SLC9B2: variants seen among roughly 807,000 people sequenced by gnomAD.
SLC9B2 encodes sodium/hydrogen exchanger 9B2.
SLC9B2 carries 39 observed loss-of-function variants against 52.2 expected under a neutral mutation model. The ratio of observed to expected loss-of-function variants is 0.75; its 90% CI spans 0.58 to 0.98. The LOEUF (loss-of-function observed/expected upper bound fraction) is 0.98. Ranked by LOEUF, SLC9B2 falls within the 50% of genes least tolerant of loss-of-function variation. The pLI is 0.00. For synonymous variants in SLC9B2, 214 were observed against 227.0 expected (o/e 0.94, Z 0.51); for missense variants, 626 against 637.5 (o/e 0.98, Z 0.19).
Position 103,047,133 on chromosome 4 carries a change from G to C in SLC9B2, c.807C>G (p.Thr269=). The C allele has an allele frequency of 1.9e-6, 3 of 1,614,004 alleles. No homozygotes were observed. The highest frequency in any genetic ancestry group is 2.5e-6 in the Non-Finnish European group (3 of 1,179,958). Residue 269 remains threonine (T), a synonymous_variant, in exon 7 of 12, where the codon ACC becomes ACG. Coordinates refer to ENST00000394785, the MANE Select transcript of SLC9B2 (RefSeq NM_178833.7). ...GGYGVEKGVP[T]LLMAAGSFDD... ...CGAAGCTGCCAGCTGCCATGAGCAA[G>C]GTTGGGACACCCTTCTCAACACCAT... is the stretch of plus-strand genomic sequence containing the variant.
At position 103,057,836 on chromosome 4, in the gene SLC9B2, TTAA is replaced by T. The variant is rs1423869468; in HGVS notation, c.404_406del (p.Ile135del). 5.0e-6 allele frequency: 8 copies of T among 1,613,956 alleles called. No individual in the cohort carries two copies. Among genetic ancestry groups the T allele is most frequent in the African/African-American group, 1.3e-5 (1 of 75,028 alleles). On this transcript the variant is annotated inframe_deletion, in exon 4 of 12. Coordinates refer to ENST00000394785, the MANE Select transcript of SLC9B2 (RefSeq NM_178833.7). ...AGGCAGTGGAGGCAATGTAGGTAACTTAATAAGCCCCAAAAGTTTACCACCAAT... is the reference window on the plus strand; with the variant it reads ...AGGCAGTGGAGGCAATGTAGGTAACTTAAGCCCCAAAAGTTTACCACCAAT...
chr4:103,057,244 GTATATA>G (rs56742547), intron 4 of SLC9B2, among the ~76,000 whole-genome samples: 1,608 of 137,244 alleles, frequency 0.012, 19 homozygotes, highest in African/African-American at 0.022. Flanking sequence ...TTAATTTTAA[GTATATA>G]TATATATATA....
chr4:103,049,204 C>T (rs1340519398), intron 5 of SLC9B2, among the ~76,000 whole-genome samples, 184 bp from the exon 6 acceptor site: 1 of 152,142 alleles, frequency 6.6e-6, no homozygotes, highest in Non-Finnish European at 1.5e-5. Context: ...TAAGTCCTCA[C>T]TGCAACCTTA....
chr4:103,075,869 T>C (rs534468095), intron 1 of SLC9B2, among the ~76,000 whole-genome samples: 2 of 152,284 alleles, frequency 1.3e-5, no homozygotes, highest in South Asian at 2.1e-4. Flanking sequence ...TTTTACTTTA[T>C]CTCTTACAGC....
At chr4:103,044,132 G>A (rs1743889302) in intron 8 of SLC9B2, among the ~76,000 whole-genome samples, 1 of 152,156 alleles carries the variant, frequency 6.6e-6, no homozygotes, top group African/African-American at 2.4e-5. Flanking sequence ...AGCTCTGAAG[G>A]TGAATTACCT....
Position 103,023,562 on chromosome 4 carries a change from T to C in SLC9B2, c.*2808A>G, listed in dbSNP as rs1326636377. On this transcript the variant is annotated 3_prime_UTR_variant, in exon 12 of 12. Coordinates refer to ENST00000394785, the MANE Select transcript of SLC9B2 (RefSeq NM_178833.7). ...ATTCTTGACCTCACCATCTCCATGA[T>C]ATATAACAGCAACATAGTCTTATAG... 6.6e-6 allele frequency among the ~76,000 whole-genome samples: 1 copy of C among 152,160 alleles called. No homozygotes were observed. The highest frequency in any genetic ancestry group is 2.4e-5 in the African/African-American group (1 of 41,416).
downstream of SLC9B2, chr4:103,020,260 T>C (rs531310038): frequency 5.1e-5 from 21 of 415,750 alleles, no homozygotes; most frequent in East Asian, 9.2e-4. Context: ...TGAGTTTTTT[T>C]TTTTTTTCCG....
rs1578440406 is a variant in SLC9B2 at position 103,031,593 on chromosome 4, A to G, written c.1255+107T>C. Reference sequence around the variant, plus strand: ...ATTGTGACAATAGTAACCACTGTACACATACCTGCTGGAGATATTTCAATG... The same window carrying G: ...ATTGTGACAATAGTAACCACTGTACGCATACCTGCTGGAGATATTTCAATG... On this transcript the variant is annotated intron_variant, in intron 10 of 11. Coordinates refer to ENST00000394785, the MANE Select transcript of SLC9B2 (RefSeq NM_178833.7). 2.0e-5 allele frequency: 15 copies of G among 766,104 alleles called. No homozygotes were observed. The East Asian group carries it at 4.1e-4, about 21-fold the overall frequency. The allele number at this position is 766,104 out of a possible 1,614,324, so 47.5% of individuals were successfully genotyped here. A position where few individuals can be genotyped will look rare whatever the true frequency, so the allele number is the denominator to read the frequency against.
intron 9 of SLC9B2, among the ~76,000 whole-genome samples, chr4:103,036,907 C>G (rs1743231797): frequency 6.6e-6 from 1 of 152,070 alleles, no homozygotes. Context: ...TAAGGATCTG[C>G]AATATATACA....
intron 4 of SLC9B2, among the ~76,000 whole-genome samples, chr4:103,051,492 G>C (rs571182327): frequency 6.6e-6 from 1 of 152,032 alleles, no homozygotes; most frequent in Admixed American, 6.5e-5. Context: ...ATTTATCTAC[G>C]GGAAAGTCTC....
intron 1 of SLC9B2, among the ~76,000 whole-genome samples, chr4:103,069,929 T>C (rs1018218032): frequency 2.0e-5 from 3 of 152,240 alleles, no homozygotes; most frequent in African/African-American, 4.8e-5. Context: ...AATGTTATTA[T>C]GGGGTCCTTT....
chr4:103,057,716 ATTCCT>A, intron 4 of SLC9B2, 80 bp downstream of exon 4: 3 of 1,423,498 alleles, frequency 2.1e-6, no homozygotes, highest in Non-Finnish European at 2.9e-6. Context: ...GAAATATTTT[ATTCCT>A]TTATTTCCCA....
At chr4:103,040,779 G>A (rs1458100804) in intron 9 of SLC9B2, among the ~76,000 whole-genome samples, 2 of 152,202 alleles carry the variant, frequency 1.3e-5, no homozygotes, top group East Asian at 3.8e-4. Flanking sequence ...TTACCTATCA[G>A]TATGGCTAAA....
chr4:103,054,244 C>T (rs566229504), intron 4 of SLC9B2, among the ~76,000 whole-genome samples: 7 of 152,224 alleles, frequency 4.6e-5, no homozygotes, highest in African/African-American at 9.6e-5. Flanking sequence ...TGTGCAACTG[C>T]GCTCCACCCT....
Position 103,026,470 on chromosome 4 carries a change from C to T in SLC9B2, c.1514G>A (p.Gly505Glu). The T allele has an allele frequency of 6.2e-7, 1 of 1,613,886 alleles. No homozygotes were observed. Among genetic ancestry groups the T allele is most frequent in the Non-Finnish European group, 8.5e-7 (1 of 1,179,892 alleles). Residue 505 changes from glycine to glutamate, a missense_variant, in exon 12 of 12, where the codon GGA becomes GAA. Gly to Glu is a moderately conservative substitution (Grantham distance 98). Coordinates refer to ENST00000394785, the MANE Select transcript of SLC9B2 (RefSeq NM_178833.7). ...FLSILITAPI[G>E]SLLIGLLGPR... ...GCCCAGTAAACCAATAAGCAGACTT[C>T]CAATTGGGGCTGTGATGAGGATGGA...
intron 4 of SLC9B2, among the ~76,000 whole-genome samples, chr4:103,057,160 T>C (rs1745197624): frequency 1.3e-5 from 2 of 151,590 alleles, no homozygotes; most frequent in South Asian, 2.1e-4. Flanking sequence ...CTCAAGAGCA[T>C]AGGTGAGGGG....
intron 1 of SLC9B2, among the ~76,000 whole-genome samples, chr4:103,070,034 C>T (rs554102293): frequency 9.2e-5 from 14 of 152,272 alleles, no homozygotes; most frequent in Admixed American, 8.5e-4. Context: ...CCAATACTCT[C>T]AACCATAAAT....
At chr4:103,030,438 G>A (rs1742595826) in intron 10 of SLC9B2, among the ~76,000 whole-genome samples, 1 of 152,056 alleles carries the variant, frequency 6.6e-6, no homozygotes, top group African/African-American at 2.4e-5. Context: ...AGCAAAGACT[G>A]GATTTAGCAA....
chr4:103,036,069 A>G (rs1299354889), intron 9 of SLC9B2, among the ~76,000 whole-genome samples: 2 of 152,228 alleles, frequency 1.3e-5, no homozygotes, highest in Non-Finnish European at 2.9e-5. Context: ...AACAGGCTAG[A>G]GAACACAGAA....
Sources: gnomAD v4.1 joint callset for allele counts (sites outside exome capture counted in the v4.1 genomes callset) on GRCh38, gnomAD v4.1.1 for gene constraint, MANE v1.5 for transcripts, NCBI Gene and HGNC (gene_info 2026-07-23, HGNC 2026-07-21) for gene names.